Variants in EMILIN2 observed in about 807,000 individuals in gnomAD.
The protein encoded by EMILIN2 is EMILIN-2.
Under a neutral mutation model 87.1 loss-of-function variants are expected in EMILIN2, and 71 were observed. That is an observed-to-expected ratio of 0.82 (90% CI 0.67 to 0.99). EMILIN2 has a LOEUF of 0.99. Among genes scored for constraint, EMILIN2 ranks in the 50% least tolerant of loss-of-function variants. The pLI, the probability that EMILIN2 is intolerant of heterozygous loss-of-function variation, is 0.00. For missense variants in EMILIN2, 1,407 were observed against 1,371.8 expected, an observed-to-expected ratio of 1.03 and a Z score of -0.40; for synonymous variants, 581 against 563.4, an observed-to-expected ratio of 1.03 and a Z score of -0.44.
rs1455445809 is a variant in EMILIN2, at chr18:2,915,946, G to A, written c.*2542G>A. On this transcript the variant is annotated 3_prime_UTR_variant, in exon 8 of 8. Coordinates refer to ENST00000254528, the MANE Select transcript of EMILIN2 (RefSeq NM_032048.3). ...CACTAACAAATGGCCTCATTTACAC[G>A]ATTAAAAACAAAATGGTATCGTCAA... is the stretch of plus-strand genomic sequence containing the variant. 1.3e-5 allele frequency: 2 copies of A among 152,180 alleles called. No homozygotes were observed. Among genetic ancestry groups the A allele is most frequent in the Admixed American group, 6.5e-5 (1 of 15,284 alleles). The allele number at this position is 152,180 out of a possible 1,614,324, so 9.4% of individuals were successfully genotyped here.
chr18:2,868,343 C>T (rs1445311864), intron 2 of EMILIN2, among the ~76,000 whole-genome samples: 3 of 152,312 alleles, frequency 2.0e-5, no homozygotes, highest in Admixed American at 2.0e-4. Context: ...GGGCTCCTCA[C>T]ATCCCAGACG....
At position 2,849,342 on chromosome 18, in the gene EMILIN2, G is replaced by T. The variant is rs78091311; in HGVS notation, c.257+1411G>T. Reference sequence around the variant, plus strand: ...ATTCATCTTATACAAGAACTGCATGGTGTGGCTTGCTATAACCTTAAAACT... The same window carrying T: ...ATTCATCTTATACAAGAACTGCATGTTGTGGCTTGCTATAACCTTAAAACT... On this transcript the variant is annotated intron_variant, in intron 2 of 7. Coordinates refer to ENST00000254528, the MANE Select transcript of EMILIN2 (RefSeq NM_032048.3). 5.0e-3 allele frequency among the ~76,000 whole-genome samples: 758 copies of T among 152,312 alleles called. 15 individuals are homozygous for T. Among genetic ancestry groups the T allele is most frequent in the African/African-American group, 0.017 (724 of 41,546 alleles).
chr18:2,877,686 G>A (rs187847224), intron 2 of EMILIN2, among the ~76,000 whole-genome samples: 145 of 151,490 alleles, frequency 9.6e-4, no homozygotes, highest in African/African-American at 3.4e-3. Context: ...GCTGAGGCAG[G>A]AGAATCACTT....
rs1230083600 is a variant in EMILIN2, at chr18:2,880,061, T to C, written c.258-4903T>C. Among the ~76,000 whole-genome samples the C allele has an allele frequency of 6.6e-6, 1 of 152,142 alleles. No homozygotes were observed. The highest frequency in any genetic ancestry group is 1.5e-5 in the Non-Finnish European group (1 of 68,018). On this transcript the variant is annotated intron_variant, in intron 2 of 7. Coordinates refer to ENST00000254528, the MANE Select transcript of EMILIN2 (RefSeq NM_032048.3). This position sits in a 1 kb window ranked among gnomAD's most constrained non-coding sequence, Gnocchi z 4.1. ...TATAGTGAACAAAACCAACAGGAAT[T>C]CTATCCTCATGGGGCTTACAGTCTG...
Position 2,890,737 on chromosome 18 carries a change from T to A in EMILIN2, c.610T>A (p.Ser204Thr). The change falls in exon 4 of 8, where the codon TCC (serine) becomes ACC (threonine). Residue 204 changes from serine to threonine, a missense_variant. Physicochemically the swap from Ser to Thr is moderately conservative, Grantham distance 58. Coordinates refer to ENST00000254528, the MANE Select transcript of EMILIN2 (RefSeq NM_032048.3). The surrounding 1 kb of genome is among the most constrained non-coding windows in gnomAD (Gnocchi z 4.7). ...LTRTVLDLQS[S>T]LAGVSENLKH... ...AAGGACGGTTCTTGACCTCCAGTCTTCCCTTGCTGGAGTGAGTGAAAATCT... is the reference window on the plus strand; with the variant it reads ...AAGGACGGTTCTTGACCTCCAGTCTACCCTTGCTGGAGTGAGTGAAAATCT... The A allele has an allele frequency of 6.2e-7, 1 of 1,614,104 alleles. No individual in the cohort carries two copies. The highest frequency in any genetic ancestry group is 1.3e-5 in the African/African-American group (1 of 75,034).
At chr18:2,899,327 G>C (rs576215363) in intron 4 of EMILIN2, among the ~76,000 whole-genome samples, 1 of 152,106 alleles carries the variant, frequency 6.6e-6, no homozygotes, top group African/African-American at 2.4e-5. Flanking sequence ...CTGACACTGC[G>C]CCACCAATAG....
chr18:2,893,149 C>A (rs368682099), intron 4 of EMILIN2, among the ~76,000 whole-genome samples: 1 of 152,122 alleles, frequency 6.6e-6, no homozygotes, highest in African/African-American at 2.4e-5. Context: ...AAAAGGAAAA[C>A]TGGTTCTTCC....
chr18:2,899,856 C>T (rs1187261965), intron 4 of EMILIN2, among the ~76,000 whole-genome samples: 3 of 152,238 alleles, frequency 2.0e-5, no homozygotes, highest in African/African-American at 4.8e-5. Flanking sequence ...TGCTGATGCT[C>T]AGCTGAGTGA....
At chr18:2,878,351 G>A (rs1245330169) in intron 2 of EMILIN2, among the ~76,000 whole-genome samples, 1 of 152,090 alleles carries the variant, frequency 6.6e-6, no homozygotes, top group Non-Finnish European at 1.5e-5. Flanking sequence ...TTAGCCAGGT[G>A]TGGTGGCAGG....
intron 2 of EMILIN2, among the ~76,000 whole-genome samples, chr18:2,873,736 A>T (rs951743374): frequency 1.9e-4 from 29 of 152,140 alleles, no homozygotes; most frequent in Non-Finnish European, 3.7e-4. Context: ...ATAAAAATTT[A>T]AAAAATGGAA....
At chr18:2,911,179 A>G (rs564310936) in intron 7 of EMILIN2, among the ~76,000 whole-genome samples, 29 of 152,228 alleles carry the variant, frequency 1.9e-4, no homozygotes, top group Non-Finnish European at 3.2e-4. Flanking sequence ...GTGCGGTCTG[A>G]CAGGTGACTT....
chr18:2,863,761 T>C (rs2076672773), intron 2 of EMILIN2, among the ~76,000 whole-genome samples: 1 of 152,172 alleles, frequency 6.6e-6, no homozygotes, highest in Admixed American at 6.5e-5. Context: ...CTGAGTTCAA[T>C]TCCTGGATAT....
intron 4 of EMILIN2, among the ~76,000 whole-genome samples, chr18:2,896,931 G>A (rs1445134911): frequency 6.6e-6 from 1 of 151,484 alleles, no homozygotes; most frequent in East Asian, 2.0e-4. Context: ...GAGCCCAAGA[G>A]TTCGAGACCA....
At chr18:2,869,768 CTGTGTGTGTGTGTGTGTTTGTGTGTG>C (rs1396340103) in intron 2 of EMILIN2, among the ~76,000 whole-genome samples, 11 of 143,868 alleles carry the variant, frequency 7.6e-5, no homozygotes, top group African/African-American at 1.7e-4. Flanking sequence ...ATAGATTCCT[CTGTGTGTGTGTGTGTGTTTGTGTGTG>C]TGTGTGTGTG....
At chr18:2,858,561 A>ATGTGTGTGTG (rs2076641776) in intron 2 of EMILIN2, among the ~76,000 whole-genome samples, 1 of 67,412 alleles carries the variant, frequency 1.5e-5, no homozygotes, top group African/African-American at 1.2e-4. Flanking sequence ...ATATATATAT[A>ATGTGTGTGTG]TATATATATG....
At chr18:2,882,392 G>A (rs563228827) in intron 2 of EMILIN2, among the ~76,000 whole-genome samples, 2 of 152,164 alleles carry the variant, frequency 1.3e-5, no homozygotes, top group African/African-American at 4.8e-5. Context: ...AGACCCAGGC[G>A]TGGGTATTTT....
intron 2 of EMILIN2, among the ~76,000 whole-genome samples, chr18:2,883,982 G>A (rs749658132): frequency 2.0e-5 from 3 of 152,144 alleles, no homozygotes; most frequent in Admixed American, 1.3e-4. Flanking sequence ...TTGAGTTGGA[G>A]TCTTGCTCTG....
chr18:2,893,878 T>C (rs1292926931), intron 4 of EMILIN2, among the ~76,000 whole-genome samples: 2 of 152,176 alleles, frequency 1.3e-5, no homozygotes, highest in African/African-American at 4.8e-5. Context: ...AGAATTGTTT[T>C]CTTGCAGTCC....
In EMILIN2 at chr18:2,847,081, C is replaced by T; in HGVS notation, c.-108C>T. ...GTTGGAGCGCCGCGAAGCGCCCGAG[C>T]CTCTTGCCTTCGCGGGCGGCGCCCT... On this transcript the variant is annotated 5_prime_UTR_variant, in exon 1 of 8. Transcript: ENST00000254528. This position sits in a 1 kb window ranked among gnomAD's most constrained non-coding sequence, Gnocchi z 4.5. The T allele has an allele frequency of 9.3e-7, 1 of 1,079,466 alleles. No individual in the cohort carries two copies. The highest frequency in any genetic ancestry group is 1.1e-6 in the Non-Finnish European group (1 of 882,932). The allele number at this position is 1,079,466 out of a possible 1,614,324, so 66.9% of individuals were successfully genotyped here.
Sources: gnomAD v4.1 joint callset for allele counts (sites outside exome capture counted in the v4.1 genomes callset) on GRCh38, gnomAD v4.1.1 for gene constraint, Gnocchi (gnomAD v3.1) non-coding constraint, MANE v1.5 for transcripts, NCBI Gene and HGNC (gene_info 2026-07-23, HGNC 2026-07-21) for gene names.